Variants in SMAP2 observed in about 807,000 individuals in gnomAD.
The protein encoded by SMAP2 is small ArfGAP2.
A neutral mutation model predicts 56.4 loss-of-function variants in SMAP2; 25 were observed. The observed-to-expected ratio is 0.44, with a 90% CI of 0.32 to 0.62. The LOEUF (loss-of-function observed/expected upper bound fraction) is 0.62. Among genes scored for constraint, SMAP2 ranks in the 20% least tolerant of loss-of-function variants. SMAP2 has a pLI of 0.04. For synonymous variants in SMAP2, 157 were observed against 181.7 expected, an observed-to-expected ratio of 0.86 and a Z score of 1.09; for missense variants, 388 against 545.6, an observed-to-expected ratio of 0.71 and a Z score of 2.88.
At chr1:40,412,968 A>G (rs1644951830) in intron 4 of SMAP2, 48 bp from the exon 5 acceptor site, 4 of 1,369,390 alleles carry the variant, frequency 2.9e-6, no homozygotes, top group Non-Finnish European at 4.1e-6. Context: ...TTATCCAACT[A>G]TTAGTCACCT....
At chr1:40,345,868 A>G (rs11809716) in intron 1 of SMAP2, among the ~76,000 whole-genome samples, 164 of 113,248 alleles carry the variant, frequency 1.4e-3, no homozygotes, top group African/African-American at 5.5e-3. Flanking sequence ...ATATTATATT[A>G]TATTGTATTA....
At chr1:40,405,230 T>C (rs982512918) in intron 1 of SMAP2, among the ~76,000 whole-genome samples, 1 of 152,222 alleles carries the variant, frequency 6.6e-6, no homozygotes, top group Non-Finnish European at 1.5e-5. Flanking sequence ...GGCTCACACC[T>C]GTAATCCCAG....
At chr1:40,355,865 C>A (rs763739274) in intron 1 of SMAP2, among the ~76,000 whole-genome samples, 20 of 102,768 alleles carry the variant, frequency 1.9e-4, no homozygotes, top group Admixed American at 7.8e-4. Flanking sequence ...CTGCCTCAGC[C>A]CCCCCAAAAT....
chr1:40,376,680 C>T (rs1200348598), intron 1 of SMAP2, among the ~76,000 whole-genome samples: 1 of 152,054 alleles, frequency 6.6e-6, no homozygotes, highest in Admixed American at 6.6e-5. Flanking sequence ...TACCTGTTAG[C>T]GCTGATAAAA....
At chr1:40,364,653 A>C (rs1026940207) in intron 2 of SMAP2, 1 of 151,848 alleles carries the variant, frequency 6.6e-6, no homozygotes, top group African/African-American at 2.4e-5. Context: ...CTGAGGTGGG[A>C]GGACTGCTTG....
intron 1 of SMAP2, chr1:40,375,828 C>CG (rs1453070328): frequency 2.3e-5 from 3 of 128,988 alleles, no homozygotes; most frequent in African/African-American, 1.3e-4. Context: ...TGACTAGAAC[C>CG]CCCCCCCCCA....
At chr1:40,347,241 T>C (rs1644390341) in intron 1 of SMAP2, among the ~76,000 whole-genome samples, 1 of 29,518 alleles carries the variant, frequency 3.4e-5, no homozygotes, top group African/African-American at 4.5e-4. Context: ...TGTGTGTGTG[T>C]TTTGTTTTTG....
intron 5 of SMAP2, 145 bp downstream of exon 5, chr1:40,413,247 T>C (rs939748501): frequency 5.9e-6 from 4 of 678,824 alleles, no homozygotes; most frequent in Non-Finnish European, 1.1e-5. Flanking sequence ...GACTGCCTGC[T>C]ATCATTTCTG....
intron 1 of SMAP2, among the ~76,000 whole-genome samples, chr1:40,350,222 G>C (rs922512499): frequency 3.9e-5 from 6 of 152,200 alleles, no homozygotes; most frequent in Non-Finnish European, 8.8e-5. Flanking sequence ...GCAGTCACTG[G>C]TTTCCTGAGT....
chr1:40,376,519 T>G (rs1046818117), intron 1 of SMAP2, among the ~76,000 whole-genome samples: 5 of 152,114 alleles, frequency 3.3e-5, no homozygotes, highest in African/African-American at 1.2e-4. Flanking sequence ...GAGGCCTCTG[T>G]TTATCCAATT....
chr1:40,360,189 G>T (rs572853667), intron 1 of SMAP2, among the ~76,000 whole-genome samples: 17 of 150,890 alleles, frequency 1.1e-4, no homozygotes, highest in Middle Eastern at 3.4e-3. Context: ...TGTAATTTTA[G>T]TAGAGACGGG....
chr1:40,396,284 A>G (rs1230307347), intron 1 of SMAP2, among the ~76,000 whole-genome samples: 1 of 152,156 alleles, frequency 6.6e-6, no homozygotes, highest in East Asian at 1.9e-4. Flanking sequence ...CTAATAGACA[A>G]ACCAACTACC....
At chr1:40,379,278 C>T (rs756081709) in intron 1 of SMAP2, among the ~76,000 whole-genome samples, 13 of 152,108 alleles carry the variant, frequency 8.5e-5, no homozygotes, top group South Asian at 2.1e-4. Flanking sequence ...AGCCCATTGT[C>T]GGCAATTTCT....
intron 1 of SMAP2, among the ~76,000 whole-genome samples, chr1:40,398,848 A>G (rs760195856): frequency 2.6e-5 from 4 of 152,192 alleles, no homozygotes; most frequent in African/African-American, 4.8e-5. Context: ...CTTCCCTGCT[A>G]TGTTCAAGGA....
At position 40,400,550 on chromosome 1, in the gene SMAP2, T is replaced by C. The variant is rs553321143; in HGVS notation, c.104-6186T>C. On this transcript the variant is annotated intron_variant, in intron 1 of 9. Coordinates refer to ENST00000372718, the MANE Select transcript of SMAP2 (RefSeq NM_022733.3). ...AGAAGAGATACTGATTTGACAGATA[T>C]TTTTGTCTTGGTGATGTGGGGGCTG... Among the ~76,000 whole-genome samples, 20 of 152,296 alleles carry C rather than the reference T, an allele frequency of 1.3e-4. No individual in the cohort carries two copies. In the East Asian group the frequency reaches 3.9e-3, roughly 29 times the overall value.
At chr1:40,417,517 A>G (rs754732622) in intron 9 of SMAP2, among the ~76,000 whole-genome samples, 7 of 152,152 alleles carry the variant, frequency 4.6e-5, no homozygotes, top group Non-Finnish European at 7.4e-5. Context: ...AAAAGAGAAG[A>G]TGGAGCAGGG....
intron 1 of SMAP2, among the ~76,000 whole-genome samples, chr1:40,404,976 G>A (rs1644871851): frequency 6.6e-6 from 1 of 152,204 alleles, no homozygotes; most frequent in Non-Finnish European, 1.5e-5. Context: ...ATCGGAGCTT[G>A]TGATAGCAAT....
At chr1:40,406,687 C>A in intron 1 of SMAP2, 49 bp from the exon 2 acceptor site, 1 of 1,564,160 alleles carries the variant, frequency 6.4e-7, no homozygotes, top group Non-Finnish European at 8.7e-7. Flanking sequence ...TAGTTTAGGC[C>A]TTGAATGTTG....
At chr1:40,378,917 C>T (rs1644567837) in intron 1 of SMAP2, among the ~76,000 whole-genome samples, 1 of 151,962 alleles carries the variant, frequency 6.6e-6, no homozygotes, top group Non-Finnish European at 1.5e-5. Context: ...TGTCCCTCAT[C>T]TCTGAGCCAC....
Sources: allele counts gnomAD v4.1 joint callset (sites outside exome capture counted in the v4.1 genomes callset), GRCh38; gene constraint gnomAD v4.1.1; transcripts MANE v1.5; gene names NCBI Gene and HGNC (gene_info 2026-07-23, HGNC 2026-07-21).